Variants in RGS10 observed in about 807,000 individuals in gnomAD.
The protein encoded by RGS10 is regulator of G-protein signalling 10.
Under a neutral mutation model 23.5 loss-of-function variants are expected in RGS10, and 11 were observed. That is an observed-to-expected ratio of 0.47 (90% CI 0.29 to 0.77). The LOEUF (loss-of-function observed/expected upper bound fraction) is 0.77. Among genes scored for constraint, RGS10 ranks in the 30% least tolerant of loss-of-function variants. The pLI, the probability that RGS10 is intolerant of heterozygous loss-of-function variation, is 0.08. For synonymous variants in RGS10, 77 were observed against 83.2 expected, an observed-to-expected ratio of 0.92 and a Z score of 0.41; for missense variants, 180 against 226.3, an observed-to-expected ratio of 0.80 and a Z score of 1.31.
intron 1 of RGS10, among the ~76,000 whole-genome samples, chr10:119,536,262 T>A (rs1844386112): frequency 6.6e-6 from 1 of 152,232 alleles, no homozygotes; most frequent in South Asian, 2.1e-4. Context: ...GGCAGAGGGT[T>A]GGCTCCACTC....
rs745481159 is a variant in RGS10, at chr10:119,525,998, T to TAAGGA, written c.255+33_255+34insTCCTT. On this transcript the variant is annotated intron_variant, in intron 3 of 4. Coordinates refer to ENST00000369103, the MANE Select transcript of RGS10 (RefSeq NM_001005339.2). ...TATTGGAAAGGCAGTTGTAACTTTA[T>TAAGGA]AAGGGAAAAAAATTATCAGAGTGGA... 9.6e-6 allele frequency: 12 copies of TAAGGA among 1,250,136 alleles called. No individual in the cohort carries two copies. The African/African-American group carries it at 1.8e-4, about 19-fold the overall frequency. 77.4% of individuals were successfully genotyped at this position (1,250,136 alleles called of 1,614,324 possible). A position where few individuals can be genotyped will look rare whatever the true frequency, so the allele number is the denominator to read the frequency against.
chr10:119,521,580 G>A (rs1238053844), intron 3 of RGS10, among the ~76,000 whole-genome samples: 4 of 121,944 alleles, frequency 3.3e-5, no homozygotes, highest in African/African-American at 6.2e-5. Context: ...AAAAAAAAAA[G>A]AAAGAAAGGA....
rs570626850 is a variant in RGS10, at chr10:119,528,522, G to T, written c.50-1098C>A. Among the ~76,000 whole-genome samples the T allele has an allele frequency of 3.3e-5, 5 of 152,094 alleles. No homozygotes were observed. In the South Asian group the frequency reaches 1.0e-3, roughly 32 times the overall value. On this transcript the variant is annotated intron_variant, in intron 1 of 4. Transcript: ENST00000369103. ...AAACTTCGGATATTTGTTCATTACG[G>T]ATGTTTCTGCATTAATTTTGATCTT...
intron 3 of RGS10, among the ~76,000 whole-genome samples, chr10:119,518,743 C>G (rs140216973): frequency 0.011 from 1,736 of 151,496 alleles, 39 homozygotes; most frequent in African/African-American, 0.04. Context: ...GTCTCACTGT[C>G]GCCCAGGCTG....
At chr10:119,501,781 G>T (rs1412160084) in intron 4 of RGS10, among the ~76,000 whole-genome samples, 1 of 152,080 alleles carries the variant, frequency 6.6e-6, no homozygotes, top group Non-Finnish European at 1.5e-5. Flanking sequence ...GGACTCAAAG[G>T]ACTCAGAACA....
chr10:119,508,430 G>T (rs1844040142), intron 4 of RGS10, among the ~76,000 whole-genome samples: 1 of 152,334 alleles, frequency 6.6e-6, no homozygotes, highest in Non-Finnish European at 1.5e-5. Flanking sequence ...CATGTGCAAT[G>T]ATCTGGACCT....
chr10:119,521,627 A>AAGGAAGG (rs1844217781), intron 3 of RGS10, among the ~76,000 whole-genome samples: 10 of 119,910 alleles, frequency 8.3e-5, no homozygotes, highest in East Asian at 2.3e-4. Context: ...GGAAGGAAAG[A>AAGGAAGG]AAGGAAGGAA....
chr10:119,532,857 A>G (rs548295511), intron 1 of RGS10, among the ~76,000 whole-genome samples: 1 of 151,566 alleles, frequency 6.6e-6, no homozygotes, highest in Non-Finnish European at 1.5e-5. Flanking sequence ...AACAAAATAA[A>G]ACAAAAACAA....
In RGS10 at chr10:119,527,289, C is replaced by G. The variant is rs1261026692; in HGVS notation, c.168+17G>C. ...CACACACTGCATCCATCCCGATTAACAATGAAAAAGACAAACCCTAAATCT... is the reference window on the plus strand; with the variant it reads ...CACACACTGCATCCATCCCGATTAAGAATGAAAAAGACAAACCCTAAATCT... On this transcript the variant is annotated intron_variant, in intron 2 of 4. Coordinates refer to ENST00000369103, the MANE Select transcript of RGS10 (RefSeq NM_001005339.2). The surrounding 1 kb of genome is among the most constrained non-coding windows in gnomAD (Gnocchi z 4.2). 1.9e-6 allele frequency: 3 copies of G among 1,582,362 alleles called. No individual in the cohort carries two copies. Among genetic ancestry groups the G allele is most frequent in the Non-Finnish European group, 2.6e-6 (3 of 1,151,680 alleles).
chr10:119,526,750 G>A (rs757915149), intron 2 of RGS10, among the ~76,000 whole-genome samples: 2 of 152,154 alleles, frequency 1.3e-5, no homozygotes, highest in Non-Finnish European at 2.9e-5. Context: ...CCTGACCCAA[G>A]ACTTAAAGAC....
intron 3 of RGS10, among the ~76,000 whole-genome samples, chr10:119,521,083 G>C (rs1280567034): frequency 6.6e-6 from 1 of 152,242 alleles, no homozygotes; most frequent in South Asian, 2.1e-4. Flanking sequence ...GTGATGAAAA[G>C]ATCCTGACCA....
At chr10:119,530,292 G>T (rs972850928) in intron 1 of RGS10, among the ~76,000 whole-genome samples, 1 of 151,934 alleles carries the variant, frequency 6.6e-6, no homozygotes, top group African/African-American at 2.4e-5. Context: ...TTCTATGGGG[G>T]GTCAAAATAC....
intron 3 of RGS10, among the ~76,000 whole-genome samples, chr10:119,519,315 C>T (rs1320794700): frequency 6.6e-6 from 1 of 151,282 alleles, no homozygotes; most frequent in Non-Finnish European, 1.5e-5. Flanking sequence ...TGTCCCCCAG[C>T]TCCTGTCTCC....
chr10:119,504,472 G>A (rs559806717), intron 4 of RGS10, among the ~76,000 whole-genome samples: 23 of 152,238 alleles, frequency 1.5e-4, no homozygotes, highest in African/African-American at 4.8e-4. Context: ...CACCACGCCC[G>A]GCTCCAAATA....
At chr10:119,533,402 T>TAAATACATATATACATACATAAATATA (rs1844353121) in intron 1 of RGS10, among the ~76,000 whole-genome samples, 1 of 152,006 alleles carries the variant, frequency 6.6e-6, no homozygotes, top group African/African-American at 2.4e-5. Context: ...CAGGTTAAAG[T>TAAATACATATATACATACATAAATATA]AAGTAAGTAA....
chr10:119,506,516 G>A (rs936700612), intron 4 of RGS10, among the ~76,000 whole-genome samples: 5 of 152,206 alleles, frequency 3.3e-5, no homozygotes, highest in Non-Finnish European at 5.9e-5. Flanking sequence ...CGCGTGTGGC[G>A]GTCACACGTG....
At chr10:119,521,976 G>A (rs899572146) in intron 3 of RGS10, among the ~76,000 whole-genome samples, 7 of 152,170 alleles carry the variant, frequency 4.6e-5, no homozygotes, top group African/African-American at 1.7e-4. Context: ...TCTCTCATGA[G>A]TCATTCTGGA....
intron 2 of RGS10, 67 bp from the exon 3 acceptor site, chr10:119,526,185 T>G: frequency 8.3e-6 from 7 of 840,912 alleles, no homozygotes; most frequent in Non-Finnish European, 1.1e-5. Flanking sequence ...CAAATGGCAT[T>G]TCCCTTCAAA....
chr10:119,534,300 T>TAAAAAAAA (rs1437938270), intron 1 of RGS10, among the ~76,000 whole-genome samples: 4 of 92,286 alleles, frequency 4.3e-5, no homozygotes, highest in Non-Finnish European at 1.1e-4. Flanking sequence ...AATAAATAAA[T>TAAAAAAAA]AAATAAAAAA....
Sources: gnomAD v4.1 joint callset for allele counts (sites outside exome capture counted in the v4.1 genomes callset) on GRCh38, gnomAD v4.1.1 for gene constraint, Gnocchi (gnomAD v3.1) non-coding constraint, MANE v1.5 for transcripts, NCBI Gene and HGNC (gene_info 2026-07-23, HGNC 2026-07-21) for gene names.